Variants in HTR1E observed in about 807,000 individuals in gnomAD.
HTR1E encodes 5-hydroxytryptamine receptor 1E.
HTR1E carries 3 observed loss-of-function variants against 3.4 expected under a neutral mutation model. The ratio of observed to expected loss-of-function variants is 0.89; its 90% CI spans 0.41 to 2.31. The LOEUF is 2.31. Ranked by LOEUF, HTR1E falls within the 30% of genes most tolerant of loss-of-function variation. The pLI, the probability that HTR1E is intolerant of heterozygous loss-of-function variation, is 0.05. For missense variants in HTR1E, 392 were observed against 467.0 expected (o/e 0.84, Z 1.48); for synonymous variants, 170 against 182.8 (o/e 0.93, Z 0.56).
At chr6:86,994,012 G>C (rs1037160843) in intron 1 of HTR1E, among the ~76,000 whole-genome samples, 3 of 152,010 alleles carry the variant, frequency 2.0e-5, no homozygotes, top group Non-Finnish European at 4.4e-5. Flanking sequence ...CTCAGTTTAT[G>C]GACTCAAGAG....
intron 1 of HTR1E, among the ~76,000 whole-genome samples, chr6:86,941,811 C>T (rs371413323): frequency 2.2e-4 from 33 of 151,284 alleles, no homozygotes; most frequent in South Asian, 1.3e-3. Flanking sequence ...CCTAATGACC[C>T]CATTAGGGAG....
intron 1 of HTR1E, among the ~76,000 whole-genome samples, chr6:87,006,350 A>G (rs866811431): frequency 7.2e-5 from 11 of 152,248 alleles, no homozygotes; most frequent in African/African-American, 2.7e-4. Context: ...AAATGAATTG[A>G]TAAGGAAAAT....
At chr6:87,000,191 G>C in intron 1 of HTR1E, 1 of 153,598 alleles carries the variant, frequency 6.5e-6, no homozygotes, top group East Asian at 1.9e-4. Flanking sequence ...TGATGTAACT[G>C]GCTTTTTTCC....
chr6:86,977,556 G>A (rs889621111), intron 1 of HTR1E, among the ~76,000 whole-genome samples: 1 of 152,056 alleles, frequency 6.6e-6, no homozygotes, highest in Non-Finnish European at 1.5e-5. Flanking sequence ...CCTAATAATG[G>A]GATTGCTGGG....
intron 1 of HTR1E, among the ~76,000 whole-genome samples, chr6:87,000,610 G>A (rs895094884): frequency 6.6e-6 from 1 of 152,146 alleles, no homozygotes; most frequent in South Asian, 2.1e-4. Context: ...GTAAAATGCT[G>A]AAAGAAAATA....
intron 1 of HTR1E, among the ~76,000 whole-genome samples, chr6:86,947,190 C>A (rs1010804857): frequency 2.0e-5 from 3 of 151,966 alleles, no homozygotes; most frequent in African/African-American, 7.3e-5. Context: ...CTTGTGATAT[C>A]ATTAATATTT....
chr6:86,993,194 G>A (rs1767893634), intron 1 of HTR1E, among the ~76,000 whole-genome samples: 3 of 151,914 alleles, frequency 2.0e-5, no homozygotes, highest in Non-Finnish European at 2.9e-5. Context: ...AAAACTGGGT[G>A]ACAGTATATA....
chr6:87,008,171 TTAAA>T (rs1768146303), intron 1 of HTR1E, among the ~76,000 whole-genome samples: 3 of 152,210 alleles, frequency 2.0e-5, no homozygotes, highest in Admixed American at 2.0e-4. Context: ...CAATCACAAT[TTAAA>T]TAAATAAAAA....
In HTR1E at chr6:87,016,384, C is replaced by T; in HGVS notation, c.1050C>T (p.Asp350=). 1.6e-5 allele frequency: 25 copies of T among 1,607,880 alleles called. No homozygotes were observed. Among genetic ancestry groups the T allele is most frequent in the Non-Finnish European group, 2.0e-5 (24 of 1,175,264 alleles). The part of the protein sequence containing the change: ...NPLLYTSFNE[D]FKLAFKKLIR... ...TGCTCTATACGAGTTTTAATGAAGA[C>T]TTTAAGCTGGCTTTTAAAAAGCTCA... Residue 350 remains aspartate (D), a synonymous_variant, in exon 2 of 2, where the codon GAC becomes GAT. Coordinates refer to ENST00000305344, the MANE Select transcript of HTR1E (RefSeq NM_000865.3).
rs112480934 is a variant in HTR1E at position 86,994,044 on chromosome 6, A to G, written c.-185-21106A>G. Among the ~76,000 whole-genome samples, 472 of 152,280 alleles carry G rather than the reference A, an allele frequency of 3.1e-3. 2 individuals are homozygous for G. Among genetic ancestry groups the G allele is most frequent in the African/African-American group, 7.7e-3 (322 of 41,576 alleles). The stretch of plus-strand genomic sequence containing the variant: ...AGAGCAGCATGGAAAACAGAGGAAA[A>G]GATCGGTGAACTTAAAGATAGAAAA... On this transcript the variant is annotated intron_variant, in intron 1 of 1. Coordinates refer to ENST00000305344, the MANE Select transcript of HTR1E (RefSeq NM_000865.3).
intron 1 of HTR1E, among the ~76,000 whole-genome samples, chr6:86,956,159 A>G (rs1419627542): frequency 6.6e-6 from 1 of 152,158 alleles, no homozygotes; most frequent in Non-Finnish European, 1.5e-5. Flanking sequence ...CCTGAAATAT[A>G]TTTCTTTGAT....
At chr6:87,012,642 T>G (rs1358508482) in intron 1 of HTR1E, among the ~76,000 whole-genome samples, 1 of 152,248 alleles carries the variant, frequency 6.6e-6, no homozygotes, top group African/African-American at 2.4e-5. Flanking sequence ...GGATGAAATC[T>G]GTCTCCATTA....
chr6:86,939,456 A>G (rs1768516394), intron 1 of HTR1E, among the ~76,000 whole-genome samples: 1 of 152,220 alleles, frequency 6.6e-6, no homozygotes, highest in South Asian at 2.1e-4. Flanking sequence ...TTGTGTCATC[A>G]TCACCTGACA....
chr6:86,938,971 T>C (rs755169429), intron 1 of HTR1E, among the ~76,000 whole-genome samples: 63 of 152,258 alleles, frequency 4.1e-4, no homozygotes, highest in Middle Eastern at 3.4e-3. Context: ...CCTTACTTAA[T>C]CCTGCGCAAG....
chr6:87,008,418 C>G (rs916477684), intron 1 of HTR1E, among the ~76,000 whole-genome samples: 6 of 152,094 alleles, frequency 3.9e-5, no homozygotes, highest in Non-Finnish European at 2.9e-5. Context: ...GAAATTGGTA[C>G]ATGGTACATA....
In HTR1E at chr6:86,959,135, C is replaced by T. The variant is rs560546020; in HGVS notation, c.-186+21312C>T. 1.8e-4 allele frequency among the ~76,000 whole-genome samples: 28 copies of T among 152,206 alleles called. No individual in the cohort carries two copies. In the South Asian group the frequency reaches 5.4e-3, roughly 29 times the overall value. The stretch of plus-strand genomic sequence containing the variant: ...TGAAGACGGTCTAGAGGCAGAATTC[C>T]CTCTTCCTTGGGGAAACTCAGTCTT... On this transcript the variant is annotated intron_variant, in intron 1 of 1. Transcript: ENST00000305344.
At chr6:86,955,175 A>G (rs1461857665) in intron 1 of HTR1E, among the ~76,000 whole-genome samples, 3 of 152,194 alleles carry the variant, frequency 2.0e-5, no homozygotes, top group Non-Finnish European at 4.4e-5. Context: ...GAAAGCAGAC[A>G]TGGTTCCCAT....
chr6:86,968,745 A>G (rs1004925393), intron 1 of HTR1E, among the ~76,000 whole-genome samples: 2 of 152,042 alleles, frequency 1.3e-5, no homozygotes, highest in Admixed American at 6.5e-5. Flanking sequence ...TATTTTTCCT[A>G]GTGTGGCATT....
intron 1 of HTR1E, among the ~76,000 whole-genome samples, chr6:86,975,918 GACACACACACACAC>G (rs57513474): frequency 6.9e-6 from 1 of 144,150 alleles, no homozygotes; most frequent in African/African-American, 2.5e-5. Context: ...CTCTCTCTGA[GACACACACACACAC>G]ACACACACAC....
Sources: gnomAD v4.1 joint callset for allele counts (sites outside exome capture counted in the v4.1 genomes callset) on GRCh38, gnomAD v4.1.1 for gene constraint, MANE v1.5 for transcripts, NCBI Gene and HGNC (gene_info 2026-07-23, HGNC 2026-07-21) for gene names.